The following NOL10 variants were observed in gnomAD, a reference collection of about 807,000 sequenced individuals.
NOL10 encodes nucleolar protein 10.
Under a neutral mutation model 103.5 loss-of-function variants are expected in NOL10, and 58 were observed. The ratio of observed to expected loss-of-function variants is 0.56; its 90% confidence interval spans 0.45 to 0.70. The LOEUF (loss-of-function observed/expected upper bound fraction) is 0.70. Ranked by LOEUF, NOL10 falls within the 30% of genes least tolerant of loss-of-function variation. NOL10 has a pLI of 0.00. For missense variants in NOL10, 763 were observed against 807.3 expected (o/e 0.95, Z 0.67); for synonymous variants, 287 against 282.5 (o/e 1.02, Z -0.16).
intron 20 of NOL10, among the ~76,000 whole-genome samples, chr2:10,574,890 G>A (rs920543523): frequency 2.0e-5 from 3 of 152,202 alleles, no homozygotes; most frequent in Non-Finnish European, 4.4e-5. Context: ...CAAGGTAGGA[G>A]CTTCAAGAGG....
At chr2:10,649,311 ATTTT>A (rs56031158) in intron 12 of NOL10, among the ~76,000 whole-genome samples, 7 of 99,046 alleles carry the variant, frequency 7.1e-5, no homozygotes, top group African/African-American at 2.9e-4. Context: ...GTATGTTTGA[ATTTT>A]TTTTTTTTTT....
chr2:10,621,943 G>A (rs1677172213), intron 13 of NOL10: 1 of 404,610 alleles, frequency 2.5e-6, no homozygotes, highest in Admixed American at 2.9e-5. Context: ...CAGCCACTAA[G>A]CCACCTGTGG....
intron 13 of NOL10, among the ~76,000 whole-genome samples, chr2:10,641,355 G>C (rs1370325587): frequency 9.3e-6 from 1 of 106,992 alleles, no homozygotes; most frequent in Admixed American, 9.5e-5. Context: ...AAACATTAAA[G>C]CTTAAAAAAA....
In NOL10 at chr2:10,675,208, T is replaced by TAATA. The variant is rs753047364; in HGVS notation, c.289+582_289+585dup. On this transcript the variant is annotated intron_variant, in intron 4 of 20. Coordinates refer to ENST00000381685, the MANE Select transcript of NOL10 (RefSeq NM_024894.4). ...ACAAGACCCTATCTCTTTAAAAAAG[T>TAATA]AATAAATAAATAAATAAAAGAAAGA... Among the ~76,000 whole-genome samples, 369 of 151,226 alleles carry TAATA rather than the reference T, an allele frequency of 2.4e-3. 1 individual carries two copies. The highest frequency in any genetic ancestry group is 8.0e-3 in the African/African-American group (330 of 41,260).
intron 13 of NOL10, among the ~76,000 whole-genome samples, chr2:10,613,016 GAGAA>G (rs975284243): frequency 3.8e-5 from 5 of 131,666 alleles, no homozygotes; most frequent in Admixed American, 1.5e-4. Context: ...AAAAAAAAGA[GAGAA>G]AGAAGACCAG....
At chr2:10,649,654 T>C (rs545677332) in intron 12 of NOL10, among the ~76,000 whole-genome samples, 4 of 152,230 alleles carry the variant, frequency 2.6e-5, no homozygotes, top group African/African-American at 9.6e-5. Flanking sequence ...GTGGATAAAG[T>C]GACCATTTTT....
intron 13 of NOL10, among the ~76,000 whole-genome samples, chr2:10,638,483 C>CTTTTTTTTTTTTTTTTTT (rs869294782): frequency 3.9e-5 from 3 of 77,776 alleles, no homozygotes; most frequent in African/African-American, 1.6e-4. Flanking sequence ...GCTGAATTCC[C>CTTTTTTTTTTTTTTTTTT]TTTTTTTTTT....
intron 12 of NOL10, among the ~76,000 whole-genome samples, chr2:10,652,459 T>A (rs1035258165): frequency 3.3e-5 from 5 of 151,758 alleles, no homozygotes; most frequent in Non-Finnish European, 7.4e-5. Flanking sequence ...TATAAAATAT[T>A]AAATAAGTTT....
At chr2:10,678,896 G>C (rs899933759) in intron 3 of NOL10, among the ~76,000 whole-genome samples, 21 of 151,310 alleles carry the variant, frequency 1.4e-4, no homozygotes, top group African/African-American at 4.8e-4. Context: ...CACTAGTAAT[G>C]TGAGGCTAAG....
chr2:10,576,306 T>C lies in NOL10; in HGVS notation c.1947+1330A>G, dbSNP rs150256455. Among the ~76,000 whole-genome samples, 6 of 152,248 alleles carry C rather than the reference T, an allele frequency of 3.9e-5. No individual in the cohort carries two copies. The East Asian group carries it at 7.7e-4, about 20-fold the overall frequency. ...TGGTGCAGCCACTGTCAGAAAACAG[T>C]CTGACAGGTTTCTCAAAAAGTTAAA... On this transcript the variant is annotated intron_variant, in intron 20 of 20. Coordinates refer to ENST00000381685, the MANE Select transcript of NOL10 (RefSeq NM_024894.4).
chr2:10,604,879 C>G (rs1397733071), intron 14 of NOL10: 1 of 152,180 alleles, frequency 6.6e-6, no homozygotes, highest in Non-Finnish European at 1.5e-5. Context: ...TACTTTCCTT[C>G]CGTTTGGAGA....
At chr2:10,675,736 G>A in intron 4 of NOL10, 58 bp downstream of exon 4, 1 of 961,776 alleles carries the variant, frequency 1.0e-6, no homozygotes, top group South Asian at 1.6e-5. Flanking sequence ...TTTAAAACCA[G>A]AAAAGCAGAC....
chr2:10,634,386 G>A (rs933689278), intron 13 of NOL10, among the ~76,000 whole-genome samples: 16 of 152,202 alleles, frequency 1.1e-4, no homozygotes, highest in African/African-American at 3.9e-4. Context: ...AGACAGCCGA[G>A]TGAGCAACAA....
intron 13 of NOL10, among the ~76,000 whole-genome samples, chr2:10,637,522 G>A (rs1483044752): frequency 1.3e-5 from 2 of 152,186 alleles, no homozygotes; most frequent in African/African-American, 4.8e-5. Context: ...TACCAGCGTT[G>A]AACCCTGTGA....
intron 13 of NOL10, among the ~76,000 whole-genome samples, chr2:10,615,438 A>G (rs4233882): frequency 0.59 from 89,881 of 151,952 alleles, 27,590 homozygotes; most frequent in African/African-American, 0.74. Flanking sequence ...GTAGAGATAC[A>G]CATGACAGAG....
At chr2:10,678,928 T>A (rs1311129895) in intron 3 of NOL10, among the ~76,000 whole-genome samples, 7 of 152,104 alleles carry the variant, frequency 4.6e-5, no homozygotes, top group Non-Finnish European at 8.8e-5. Flanking sequence ...TAAAATCAAA[T>A]TAAATTTAAG....
chr2:10,591,688 C>T (rs1558274495), intron 17 of NOL10, among the ~76,000 whole-genome samples: 2 of 151,952 alleles, frequency 1.3e-5, no homozygotes, highest in East Asian at 3.9e-4. Flanking sequence ...GGATGATCAA[C>T]AGAAGTGTGC....
intron 13 of NOL10, among the ~76,000 whole-genome samples, chr2:10,620,322 T>C (rs1233841841): frequency 2.0e-5 from 3 of 152,032 alleles, no homozygotes; most frequent in South Asian, 2.1e-4. Context: ...GGGGGGAAAC[T>C]CGGCAGAAAA....
At chr2:10,619,232 G>C (rs1572302271) in intron 13 of NOL10, among the ~76,000 whole-genome samples, 1 of 98,414 alleles carries the variant, frequency 1.0e-5, no homozygotes, top group East Asian at 3.2e-4. Flanking sequence ...CTGCAGCCTT[G>C]ATCACGGGCT....
Sources: allele counts gnomAD v4.1 joint callset (sites outside exome capture counted in the v4.1 genomes callset), GRCh38; gene constraint gnomAD v4.1.1; transcripts MANE v1.5; gene names NCBI Gene and HGNC (gene_info 2026-07-23, HGNC 2026-07-21).